Variants in CLIP1 observed in about 807,000 individuals in gnomAD.
CLIP1 encodes the protein CAP-Gly domain-containing linker protein 1.
A neutral mutation model predicts 161.6 loss-of-function variants in CLIP1; 66 were observed. That is an observed-to-expected ratio of 0.41 (90% CI 0.33 to 0.50). CLIP1 has a LOEUF of 0.50. Ranked by LOEUF, CLIP1 falls within the 20% of genes least tolerant of loss-of-function variation. CLIP1 has a pLI of 0.27. For missense variants in CLIP1, 1,376 were observed against 1,702.0 expected, an observed-to-expected ratio of 0.81 and a Z score of 3.37; for synonymous variants, 598 against 626.2, an observed-to-expected ratio of 0.96 and a Z score of 0.67.
intron 20 of CLIP1, among the ~76,000 whole-genome samples, chr12:122,294,426 C>T (rs1290573391): frequency 6.7e-6 from 1 of 150,110 alleles, no homozygotes; most frequent in Non-Finnish European, 1.5e-5. Context: ...TGCTGATATA[C>T]ATAACAACAT....
rs766790536 is a variant in CLIP1 at position 122,336,631 on chromosome 12, C to G, written c.2568+1G>C. 4.5e-6 allele frequency: 7 copies of G among 1,541,064 alleles called. No individual in the cohort carries two copies. The highest frequency in any genetic ancestry group is 6.3e-6 in the Non-Finnish European group (7 of 1,117,150). ...GATTCAGATTCCCAACAGGTACTTA[C>G]CAAAATCTGAAGTTCTTTTTCCAAA... On this transcript the variant is annotated splice_donor_variant, in intron 12 of 25. Coordinates refer to ENST00000620786, the MANE Select transcript of CLIP1 (RefSeq NM_001247997.2). LOFTEE classifies it high-confidence loss of function.
chr12:122,305,563 G>A (rs573961986), intron 20 of CLIP1, among the ~76,000 whole-genome samples: 6 of 152,270 alleles, frequency 3.9e-5, no homozygotes, highest in South Asian at 2.1e-4. Context: ...TCAGGTTTTC[G>A]GCCACCACAA....
intron 1 of CLIP1, among the ~76,000 whole-genome samples, chr12:122,419,448 C>G (rs541903260): frequency 6.6e-6 from 1 of 151,780 alleles, no homozygotes; most frequent in South Asian, 2.1e-4. Context: ...GCAAGGGTCC[C>G]GAAATGTGAA....
intron 20 of CLIP1, among the ~76,000 whole-genome samples, chr12:122,289,517 G>A (rs950911221): frequency 6.6e-6 from 1 of 152,024 alleles, no homozygotes; most frequent in Non-Finnish European, 1.5e-5. Flanking sequence ...AATTGCAGAG[G>A]ACTAGGTACA....
At chr12:122,343,105 C>T (rs970316582) in intron 10 of CLIP1, 6 of 150,076 alleles carry the variant, frequency 4.0e-5, no homozygotes, top group Non-Finnish European at 7.4e-5. Context: ...GAATGAAAGC[C>T]TCAATTGAAG....
At chr12:122,409,751 C>G (rs985752294) in intron 1 of CLIP1, among the ~76,000 whole-genome samples, 3 of 151,536 alleles carry the variant, frequency 2.0e-5, no homozygotes, top group African/African-American at 7.3e-5. Flanking sequence ...AGGCTGGTCT[C>G]GAACTCCTGA....
At chr12:122,412,744 G>C (rs1244300558) in intron 1 of CLIP1, among the ~76,000 whole-genome samples, 1 of 151,848 alleles carries the variant, frequency 6.6e-6, no homozygotes, top group Admixed American at 6.6e-5. Flanking sequence ...GTTTTTTTCT[G>C]TGTTTTTGTA....
At chr12:122,395,074 A>C (rs1382108491) in intron 1 of CLIP1, among the ~76,000 whole-genome samples, 1 of 152,196 alleles carries the variant, frequency 6.6e-6, no homozygotes, top group Non-Finnish European at 1.5e-5. Context: ...TGCCACTGAT[A>C]ACCTAGTCTA....
intron 4 of CLIP1, among the ~76,000 whole-genome samples, chr12:122,363,648 C>T (rs1953988540): frequency 6.6e-6 from 1 of 152,090 alleles, no homozygotes; most frequent in African/African-American, 2.4e-5. Flanking sequence ...CTGCCCCCGC[C>T]CCCTCCCCAG....
intron 2 of CLIP1, among the ~76,000 whole-genome samples, chr12:122,378,249 G>C (rs1463874423): frequency 6.6e-6 from 1 of 152,068 alleles, no homozygotes; most frequent in Admixed American, 6.6e-5. Context: ...ACCATATCTG[G>C]CTAATTTTTG....
chr12:122,336,556 T>C, intron 12 of CLIP1, 76 bp downstream of exon 12: 2 of 746,464 alleles, frequency 2.7e-6, no homozygotes, highest in Non-Finnish European at 4.6e-6. Context: ...ACAGCTACAA[T>C]ATTTCTTACT....
chr12:122,328,775 G>A (rs922030849), intron 15 of CLIP1, among the ~76,000 whole-genome samples: 2 of 152,258 alleles, frequency 1.3e-5, no homozygotes, highest in East Asian at 3.9e-4. Context: ...TAGAGACAGG[G>A]TTTCACCGTG....
At chr12:122,337,525 G>A (rs1952287218) in intron 11 of CLIP1, among the ~76,000 whole-genome samples, 1 of 151,742 alleles carries the variant, frequency 6.6e-6, no homozygotes, top group Non-Finnish European at 1.5e-5. Flanking sequence ...CTAGACCCAA[G>A]CAATCCTCTT....
intron 6 of CLIP1, 64 bp from the exon 7 acceptor site, chr12:122,354,620 T>TTC: frequency 7.6e-7 from 1 of 1,315,428 alleles, no homozygotes; most frequent in South Asian, 1.2e-5. Context: ...CCAGTGATAC[T>TTC]TCTCCAAAGA....
chr12:122,378,125 C>T (rs973532736), intron 2 of CLIP1, among the ~76,000 whole-genome samples, 165 bp from the exon 3 acceptor site: 1 of 152,140 alleles, frequency 6.6e-6, no homozygotes. Context: ...CTCGCTCTGT[C>T]GCCCAGGCTA....
chr12:122,384,397 A>C (rs1955143800), intron 1 of CLIP1, among the ~76,000 whole-genome samples: 1 of 152,146 alleles, frequency 6.6e-6, no homozygotes, highest in South Asian at 2.1e-4. Flanking sequence ...TGCAATTACC[A>C]TTAGTCCAAT....
At chr12:122,388,258 C>G (rs531702566) in intron 1 of CLIP1, among the ~76,000 whole-genome samples, 1 of 151,818 alleles carries the variant, frequency 6.6e-6, no homozygotes, top group Admixed American at 6.6e-5. Context: ...CTCACTCTGC[C>G]GCCCAGGCTG....
chr12:122,326,201 A>G (rs1951705686), intron 17 of CLIP1, among the ~76,000 whole-genome samples: 1 of 152,232 alleles, frequency 6.6e-6, no homozygotes, highest in Non-Finnish European at 1.5e-5. Context: ...CAGTCCTGGC[A>G]TTTTTAACTC....
chr12:122,353,568 C>T (rs972353802), intron 7 of CLIP1, among the ~76,000 whole-genome samples: 2 of 152,162 alleles, frequency 1.3e-5, no homozygotes, highest in African/African-American at 2.4e-5. Flanking sequence ...GAGCCATGAT[C>T]ACACCAGTGC....
Sources: gnomAD v4.1 joint callset for allele counts (sites outside exome capture counted in the v4.1 genomes callset) on GRCh38, gnomAD v4.1.1 for gene constraint, MANE v1.5 for transcripts, NCBI Gene and HGNC (gene_info 2026-07-23, HGNC 2026-07-21) for gene names.